CUX2: variants seen among roughly 807,000 people sequenced by gnomAD.
CUX2 encodes the protein cut like homeobox 2.
A neutral mutation model predicts 144.8 loss-of-function variants in CUX2; 40 were observed. That is an observed-to-expected ratio of 0.28 (90% CI 0.21 to 0.36). CUX2 has a LOEUF of 0.36. Among genes scored for constraint, CUX2 ranks in the 10% least tolerant of loss-of-function variants. The pLI, the probability that CUX2 is intolerant of heterozygous loss-of-function variation, is 1.00. For missense variants in CUX2, 1,615 were observed against 1,994.0 expected (o/e 0.81, Z 3.62); for synonymous variants, 827 against 875.6 (o/e 0.94, Z 0.98).
intron 16 of CUX2, among the ~76,000 whole-genome samples, chr12:111,314,639 TAAAAAAAA>T (rs954472479): frequency 4.7e-4 from 11 of 23,238 alleles, no homozygotes; most frequent in African/African-American, 1.8e-3. Context: ...AAACTCAGTC[TAAAAAAAA>T]AAAAAAAAAA....
intron 1 of CUX2, among the ~76,000 whole-genome samples, chr12:111,132,845 G>A (rs1875592290): frequency 6.6e-6 from 1 of 152,066 alleles, no homozygotes; most frequent in South Asian, 2.1e-4. Context: ...TGGGATTACA[G>A]GCATGAGCCA....
rs1382230611 is a variant in CUX2, at chr12:111,293,243, C to T, written c.437-203C>T. Among the ~76,000 whole-genome samples, 3 of 152,248 alleles carry T rather than the reference C, an allele frequency of 2.0e-5. No homozygotes were observed. Among genetic ancestry groups the T allele is most frequent in the African/African-American group, 7.2e-5 (3 of 41,476 alleles). On this transcript the variant is annotated intron_variant, in intron 5 of 21. Transcript: ENST00000261726. The surrounding 1 kb of genome is among the most constrained non-coding windows in gnomAD (Gnocchi z 4.5). The stretch of plus-strand genomic sequence containing the variant: ...GCATGAGCAGGCAAAAGAAGGTCTG[C>T]GTGTGCTGACGCTGGTGCCACAGTG...
At chr12:111,162,872 C>T (rs1877870375) in intron 1 of CUX2, among the ~76,000 whole-genome samples, 2 of 151,988 alleles carry the variant, frequency 1.3e-5, no homozygotes, top group South Asian at 2.1e-4. Flanking sequence ...ATGGTGAAAC[C>T]CCATCTCTAA....
intron 18 of CUX2, among the ~76,000 whole-genome samples, chr12:111,330,711 A>G (rs1320650871): frequency 7.1e-5 from 2 of 28,234 alleles, no homozygotes; most frequent in African/African-American, 3.1e-4. Context: ...ATATATATAT[A>G]TATATATATA....
chr12:111,206,539 T>C (rs1880928025), intron 1 of CUX2, among the ~76,000 whole-genome samples: 1 of 152,216 alleles, frequency 6.6e-6, no homozygotes, highest in Non-Finnish European at 1.5e-5. Context: ...TGTCGGCACA[T>C]AGTGTTAGAA....
intron 1 of CUX2, among the ~76,000 whole-genome samples, chr12:111,080,241 C>T (rs929784533): frequency 1.3e-5 from 2 of 152,050 alleles, no homozygotes; most frequent in African/African-American, 2.4e-5. Context: ...ACTAAAATCC[C>T]GTAACACACA....
chr12:111,306,758 G>A (rs1886604294), intron 10 of CUX2, among the ~76,000 whole-genome samples, 163 bp from the exon 11 acceptor site: 1 of 152,116 alleles, frequency 6.6e-6, no homozygotes, highest in African/African-American at 2.4e-5. Flanking sequence ...AAGTGTACAA[G>A]TCATAAGTAT....
chr12:111,334,839 A>T, intron 19 of CUX2, 129 bp downstream of exon 19: 1 of 1,054,782 alleles, frequency 9.5e-7, no homozygotes, highest in Non-Finnish European at 1.3e-6. Flanking sequence ...GAGGCCAGGG[A>T]GGGAGGATCG....
At chr12:111,118,467 G>T (rs1566233288) in intron 1 of CUX2, among the ~76,000 whole-genome samples, 1 of 152,140 alleles carries the variant, frequency 6.6e-6, no homozygotes, top group South Asian at 2.1e-4. Context: ...CCCAGAAATT[G>T]GCAAGCATTA....
chr12:111,084,947 G>A (rs529032843), intron 1 of CUX2, among the ~76,000 whole-genome samples: 19 of 152,266 alleles, frequency 1.2e-4, no homozygotes, highest in African/African-American at 4.1e-4. Flanking sequence ...AAGCCACATG[G>A]ACCTTCTCAT....
chr12:111,249,387 C>T (rs1033451779), intron 3 of CUX2, among the ~76,000 whole-genome samples: 1 of 146,968 alleles, frequency 6.8e-6, no homozygotes, highest in Non-Finnish European at 1.5e-5. Flanking sequence ...GAAAAAGTCC[C>T]GGGTGCTATT....
intron 1 of CUX2, among the ~76,000 whole-genome samples, chr12:111,046,183 G>A (rs776262087): frequency 6.6e-6 from 1 of 152,224 alleles, no homozygotes; most frequent in Non-Finnish European, 1.5e-5. Context: ...GCTCTTTGCA[G>A]AGAAGCTTGG....
At position 111,320,769 on chromosome 12, in the gene CUX2, G is replaced by C; in HGVS notation, c.2760G>C (p.Gly920=). Residue 920 remains glycine, a synonymous_variant, in exon 17 of 22, where the codon GGG becomes GGC. Transcript: ENST00000261726. This position sits in a 1 kb window ranked among gnomAD's most constrained non-coding sequence, Gnocchi z 8.1. The part of the protein sequence containing the change: ...AKNGICQRIF[G]EKVLGLSQGS... ...ACGGCATCTGCCAGAGGATCTTCGG[G>C]GAGAAGGTGAGTGCAGGGCGGGCCC... The C allele has an allele frequency of 6.4e-7, 1 of 1,560,902 alleles. No individual in the cohort carries two copies. Among genetic ancestry groups the C allele is most frequent in the Non-Finnish European group, 8.6e-7 (1 of 1,159,288 alleles).
At chr12:111,212,397 C>G (rs1001993207) in intron 1 of CUX2, among the ~76,000 whole-genome samples, 4 of 152,126 alleles carry the variant, frequency 2.6e-5, no homozygotes, top group African/African-American at 9.7e-5. Flanking sequence ...TCCGCTCCCC[C>G]ACCAAAATAG....
At chr12:111,064,868 G>C (rs1393243810) in intron 1 of CUX2, among the ~76,000 whole-genome samples, 1 of 152,198 alleles carries the variant, frequency 6.6e-6, no homozygotes, top group Non-Finnish European at 1.5e-5. Context: ...AGTATATAAA[G>C]CACTGGGCCC....
chr12:111,058,689 T>C (rs1456465704), intron 1 of CUX2, among the ~76,000 whole-genome samples: 1 of 152,002 alleles, frequency 6.6e-6, no homozygotes, highest in Non-Finnish European at 1.5e-5. Context: ...TTGCAGATAG[T>C]GGTGTTACAG....
intron 4 of CUX2, among the ~76,000 whole-genome samples, chr12:111,283,218 TA>T (rs35420677): frequency 4.5e-4 from 65 of 144,330 alleles, no homozygotes; most frequent in Non-Finnish European, 4.6e-4. Flanking sequence ...ACTCTTGTCT[TA>T]AAAAAAAAAA....
At chr12:111,069,764 G>T (rs986653317) in intron 1 of CUX2, among the ~76,000 whole-genome samples, 2 of 152,058 alleles carry the variant, frequency 1.3e-5, no homozygotes, top group Admixed American at 1.3e-4. Context: ...CCACTGTCAT[G>T]ATCTCATTTT....
intron 4 of CUX2, among the ~76,000 whole-genome samples, chr12:111,279,464 G>A (rs941419511): frequency 5.9e-5 from 9 of 152,242 alleles, no homozygotes; most frequent in Admixed American, 2.6e-4. Context: ...ATCTTTGCAG[G>A]ATATAATCAA....
Sources: gnomAD v4.1 joint callset for allele counts (sites outside exome capture counted in the v4.1 genomes callset) on GRCh38, gnomAD v4.1.1 for gene constraint, Gnocchi (gnomAD v3.1) non-coding constraint, MANE v1.5 for transcripts, NCBI Gene and HGNC (gene_info 2026-07-23, HGNC 2026-07-21) for gene names.